The following KMT2E variants were observed in gnomAD, a reference collection of about 807,000 sequenced individuals.
KMT2E encodes the protein histone reader KMT2E.
A neutral mutation model predicts 184.6 loss-of-function variants in KMT2E; 30 were observed. The observed-to-expected ratio is 0.16, with a 90% confidence interval of 0.12 to 0.22. The LOEUF (loss-of-function observed/expected upper bound fraction) is 0.22, where lower values mean the gene tolerates loss of function less well. Among genes scored for constraint, KMT2E ranks in the 10% least tolerant of loss-of-function variants. KMT2E has a pLI of 1.00. For missense variants in KMT2E, 2,023 were observed against 2,237.4 expected (o/e 0.90, Z 1.93); for synonymous variants, 815 against 776.5 (o/e 1.05, Z -0.82).
At chr7:105,106,439 T>TTATC in intron 19 of KMT2E, 83 bp from the exon 20 acceptor site, 1 of 1,308,158 alleles carries the variant, frequency 7.6e-7, no homozygotes, top group Non-Finnish European at 1.1e-6. Context: ...TGTTTATATT[T>TTATC]TATCTTTCCC....
At chr7:105,100,687 G>GAA (rs1798616661) in intron 15 of KMT2E, among the ~76,000 whole-genome samples, 1 of 152,184 alleles carries the variant, frequency 6.6e-6, no homozygotes, top group Non-Finnish European at 1.5e-5. Flanking sequence ...TACTTTATAA[G>GAA]AATTACAATG....
At chr7:105,102,622 A>G (rs1798701792) in intron 17 of KMT2E, 2 of 153,914 alleles carry the variant, frequency 1.3e-5, no homozygotes, top group Non-Finnish European at 2.9e-5. Flanking sequence ...TTTAGGTGTA[A>G]TTATTAATAA....
intron 3 of KMT2E, 27 bp downstream of exon 3, chr7:105,041,050 C>CAAA (rs58676744): frequency 1.8e-3 from 1,186 of 670,862 alleles, no homozygotes; most frequent in South Asian, 4.6e-3. Flanking sequence ...GTTACATAAG[C>CAAA]AAAAAAAAAA....
intron 19 of KMT2E, 111 bp from the exon 20 acceptor site, chr7:105,106,411 A>G (rs1361012039): frequency 8.7e-6 from 9 of 1,040,456 alleles, no homozygotes; most frequent in Non-Finnish European, 1.3e-5. Flanking sequence ...GTTTTGGGGT[A>G]AAAGTCATAA....
chr7:105,068,624 GTTTTTTTTTTTTTTGTT>G (rs1445862346), intron 6 of KMT2E, among the ~76,000 whole-genome samples: 1 of 112,274 alleles, frequency 8.9e-6, no homozygotes, highest in Non-Finnish European at 1.7e-5. Flanking sequence ...ACTAGTTGTG[GTTTTTTTTTTTTTTGTT>G]TTTTTTTTTT....
intron 3 of KMT2E, among the ~76,000 whole-genome samples, chr7:105,055,604 A>G (rs1014160634): frequency 6.6e-6 from 1 of 152,202 alleles, no homozygotes; most frequent in Non-Finnish European, 1.5e-5. Context: ...ATTTAAGTAG[A>G]GCTGTGAAAA....
rs764325014 is a variant in KMT2E, at chr7:105,109,247, A to G, written c.3755+19A>G. 3.7e-6 allele frequency: 6 copies of G among 1,605,314 alleles called. No individual in the cohort carries two copies. Among genetic ancestry groups the G allele is most frequent in the Non-Finnish European group, 5.1e-6 (6 of 1,174,100 alleles). ...TTCAATGGTAAGCCCATTGTGAAGT[A>G]TGCTACTCTGGAAAAAACAAGCTTT... is the stretch of plus-strand genomic sequence containing the variant. On this transcript the variant is annotated intron_variant, in intron 23 of 26. Coordinates refer to ENST00000311117, the MANE Select transcript of KMT2E (RefSeq NM_182931.3).
chr7:105,052,662 G>A lies in KMT2E; in HGVS notation c.72-9502G>A, dbSNP rs555554258. On this transcript the variant is annotated intron_variant, in intron 3 of 26. Coordinates refer to ENST00000311117, the MANE Select transcript of KMT2E (RefSeq NM_182931.3). ...CAACTTCTGCATCCTGGGTTCAAGC[G>A]ATTCTCCTGCCTCAGCCTCCCAAGT... 4.6e-5 allele frequency among the ~76,000 whole-genome samples: 7 copies of A among 152,072 alleles called. No homozygotes were observed. The East Asian group carries it at 9.6e-4, about 21-fold the overall frequency.
At chr7:105,083,130 G>A (rs1411870421) in intron 13 of KMT2E, among the ~76,000 whole-genome samples, 1 of 152,112 alleles carries the variant, frequency 6.6e-6, no homozygotes, top group East Asian at 1.9e-4. Context: ...CACAACATCT[G>A]GACACAGTTC....
At chr7:105,060,678 C>G (rs1292573844) in intron 3 of KMT2E, among the ~76,000 whole-genome samples, 1 of 152,080 alleles carries the variant, frequency 6.6e-6, no homozygotes, top group Non-Finnish European at 1.5e-5. Context: ...TCAAGTGACC[C>G]TCCTGTCTCA....
intron 22 of KMT2E, 195 bp from the exon 23 acceptor site, chr7:105,108,747 T>G: frequency 1.8e-6 from 1 of 563,960 alleles, no homozygotes; most frequent in Admixed American, 3.1e-5. Context: ...AATGAGATAA[T>G]GTATGTAAAT....
At position 105,107,386 on chromosome 7, in the gene KMT2E, T is replaced by C. The variant is rs768029315; in HGVS notation, c.2929T>C (p.Leu977=). Residue 977 remains leucine (L), a synonymous_variant, in exon 22 of 27, where the codon TTA becomes CTA. Transcript: ENST00000311117. ...QEGYDRSSTM[L]TLGPFRNSNL... ...GGGATATGACAGATCTTCAACCATG[T>C]TAACATTGGGGCCTTTTAGAAATTC... 1.0e-5 allele frequency: 16 copies of C among 1,596,742 alleles called. 1 individual carries two copies. The South Asian group carries it at 1.7e-4, about 17-fold the overall frequency.
rs555604237 is a variant in KMT2E, at chr7:105,089,263, A to G, written c.1359-746A>G. On this transcript the variant is annotated intron_variant, in intron 13 of 26. Transcript: ENST00000311117. ...ACCCAGGCTGGAATGCAGTGGCACAATCTTGGCTCACTGCAACTTCTGCCT... is the reference window on the plus strand; with the variant it reads ...ACCCAGGCTGGAATGCAGTGGCACAGTCTTGGCTCACTGCAACTTCTGCCT... The G allele has an allele frequency of 1.5e-4, 63 of 420,378 alleles. 1 individual carries two copies. Among genetic ancestry groups the G allele is most frequent in the South Asian group, 1.0e-3 (61 of 60,858 alleles). The allele number at this position is 420,378 out of a possible 1,614,324, so 26.0% of individuals were successfully genotyped here. A position where few individuals can be genotyped will look rare whatever the true frequency, so the allele number is the denominator to read the frequency against.
At chr7:105,098,968 G>A (rs1265873379) in intron 15 of KMT2E, among the ~76,000 whole-genome samples, 1 of 152,044 alleles carries the variant, frequency 6.6e-6, no homozygotes, top group Non-Finnish European at 1.5e-5. Context: ...CTACCTCAAA[G>A]AATAAAACTT....
intron 15 of KMT2E, among the ~76,000 whole-genome samples, chr7:105,093,554 T>C (rs1339394304): frequency 6.6e-6 from 1 of 152,146 alleles, no homozygotes; most frequent in Non-Finnish European, 1.5e-5. Flanking sequence ...CATGGTGGCA[T>C]GTGACTGTAA....
chr7:105,064,623 A>C (rs1796958532), intron 5 of KMT2E, among the ~76,000 whole-genome samples: 1 of 152,188 alleles, frequency 6.6e-6, no homozygotes. Context: ...ATTTTTATGG[A>C]AAGTTGTAAT....
chr7:105,095,323 G>T (rs1798360680), intron 15 of KMT2E, among the ~76,000 whole-genome samples: 1 of 151,960 alleles, frequency 6.6e-6, no homozygotes, highest in Non-Finnish European at 1.5e-5. Flanking sequence ...TTTTGAGTAG[G>T]GTTTAACCAA....
At chr7:105,083,726 C>G (rs1055378248) in intron 13 of KMT2E, among the ~76,000 whole-genome samples, 1 of 152,126 alleles carries the variant, frequency 6.6e-6, no homozygotes, top group South Asian at 2.1e-4. Context: ...CTTTCCCCCC[C>G]CAGAATAGGA....
At chr7:105,086,337 A>G (rs1014055120) in intron 13 of KMT2E, among the ~76,000 whole-genome samples, 1 of 152,198 alleles carries the variant, frequency 6.6e-6, no homozygotes, top group African/African-American at 2.4e-5. Flanking sequence ...TGCGCACAGC[A>G]TGAGTTTTTG....
Sources: gnomAD v4.1 joint callset for allele counts (sites outside exome capture counted in the v4.1 genomes callset) on GRCh38, gnomAD v4.1.1 for gene constraint, MANE v1.5 for transcripts, NCBI Gene and HGNC (gene_info 2026-07-23, HGNC 2026-07-21) for gene names.